DUS2: variants seen among roughly 807,000 people sequenced by gnomAD.
DUS2 encodes tRNA-dihydrouridine(20) synthase [NAD(P)+]-like.
DUS2 carries 52 observed loss-of-function variants against 71.3 expected under a neutral mutation model. That is an observed-to-expected ratio of 0.73 (90% CI 0.58 to 0.92). The LOEUF is 0.92. Among genes scored for constraint, DUS2 ranks in the 40% least tolerant of loss-of-function variants. The pLI is 0.00. For missense variants in DUS2, 558 were observed against 622.6 expected (o/e 0.90, Z 1.10); for synonymous variants, 204 against 227.8 (o/e 0.90, Z 0.94).
chr16:68,061,081 G>T lies in DUS2; in HGVS notation c.385G>T (p.Ala129Ser). 1 of 1,614,068 alleles carries T rather than the reference G, an allele frequency of 6.2e-7. No homozygotes were observed. Among genetic ancestry groups the T allele is most frequent in the African/African-American group, 1.3e-5 (1 of 75,026 alleles). ...TTCTCCTTAGGGAGGAATGGGAGCTGCCCTGCTGTCAGACCCTGACAAGAT... is the reference window on the plus strand; with the variant it reads ...TTCTCCTTAGGGAGGAATGGGAGCTTCCCTGCTGTCAGACCCTGACAAGAT... Reference protein sequence around the residue: ...QYSTKGGMGAALLSDPDKIEK... With the variant: ...QYSTKGGMGASLLSDPDKIEK... Residue 129 changes from alanine to serine, a missense_variant, in exon 8 of 17, where the codon GCC becomes TCC. By Grantham distance (99) the Ala-to-Ser change is moderately conservative (BLOSUM62 1). Coordinates refer to ENST00000565263, the MANE Select transcript of DUS2 (RefSeq NM_017803.5).
At chr16:68,075,216 C>T (rs1377105265) in intron 13 of DUS2, 139 bp from the exon 14 acceptor site, 7 of 749,820 alleles carry the variant, frequency 9.3e-6, no homozygotes, top group African/African-American at 1.8e-5. Flanking sequence ...GCAGGGGGCA[C>T]ATTCTGATGG....
At chr16:68,070,246 CTCTG>C in intron 11 of DUS2, 26 bp downstream of exon 11, 4 of 1,605,092 alleles carry the variant, frequency 2.5e-6, no homozygotes, top group Non-Finnish European at 3.4e-6. Flanking sequence ...TCATCATGTA[CTCTG>C]TGTCCCACAG....
intron 2 of DUS2, among the ~76,000 whole-genome samples, chr16:68,032,908 C>A (rs1185128812): frequency 9.3e-4 from 54 of 57,922 alleles, no homozygotes; most frequent in South Asian, 3.0e-3. Flanking sequence ...GACTCCATCT[C>A]AAAAAAAAAA....
chr16:68,059,237 T>C (rs934951537), intron 7 of DUS2, among the ~76,000 whole-genome samples: 3 of 151,734 alleles, frequency 2.0e-5, no homozygotes, highest in Admixed American at 2.0e-4. Context: ...AAAAAAAGTA[T>C]AGATTGAAAC....
At chr16:68,075,264 A>G in intron 13 of DUS2, 91 bp from the exon 14 acceptor site, 1 of 1,240,260 alleles carries the variant, frequency 8.1e-7, no homozygotes, top group Admixed American at 2.6e-5. Context: ...GTGGTAGAGG[A>G]GTTTCTCAGT....
At chr16:68,047,251 T>C (rs1230167090) in intron 3 of DUS2, among the ~76,000 whole-genome samples, 1 of 150,632 alleles carries the variant, frequency 6.6e-6, no homozygotes, top group African/African-American at 2.5e-5. Flanking sequence ...AGATGGAGTT[T>C]CACCATGTTG....
At chr16:68,058,201 G>A (rs1476973160) in intron 7 of DUS2, among the ~76,000 whole-genome samples, 1 of 151,504 alleles carries the variant, frequency 6.6e-6, no homozygotes, top group Non-Finnish European at 1.5e-5. Flanking sequence ...AAGATCAGCT[G>A]GACTTGGACT....
rs2033824334 is a variant in DUS2 at position 68,054,561 on chromosome 16, C to T, written c.265-13C>T. 6.2e-7 allele frequency: 1 copy of T among 1,613,984 alleles called. No homozygotes were observed. Among genetic ancestry groups the T allele is most frequent in the South Asian group, 1.1e-5 (1 of 91,092 alleles). On this transcript the variant is annotated splice_polypyrimidine_tract_variant and intron_variant, in intron 5 of 16. Transcript: ENST00000565263. ...GTCAGGGCAGTGGTTGATGCAGCCTCTTGTGTTCCCAGGGGACTTCAGACG... is the reference window on the plus strand; with the variant it reads ...GTCAGGGCAGTGGTTGATGCAGCCTTTTGTGTTCCCAGGGGACTTCAGACG...
At position 68,079,202 on chromosome 16, in the gene DUS2, C is replaced by G. The variant is rs1054125493; in HGVS notation, c.*216C>G. Reference sequence around the variant, plus strand: ...GATCTGAGTGACAGGGTCAAGTTCTCTTTGAAAACAGGAGCTTTTCAGGTG... The same window carrying G: ...GATCTGAGTGACAGGGTCAAGTTCTGTTTGAAAACAGGAGCTTTTCAGGTG... On this transcript the variant is annotated 3_prime_UTR_variant, in exon 17 of 17. Transcript: ENST00000565263. 6.8e-6 allele frequency: 3 copies of G among 440,004 alleles called. No homozygotes were observed. The highest frequency in any genetic ancestry group is 6.0e-5 in the African/African-American group (3 of 49,984). The allele number at this position is 440,004 out of a possible 1,614,324, so 27.3% of individuals were successfully genotyped here.
chr16:68,070,708 T>A (rs911909583), intron 11 of DUS2, among the ~76,000 whole-genome samples: 2 of 152,220 alleles, frequency 1.3e-5, no homozygotes, highest in African/African-American at 2.4e-5. Flanking sequence ...AAAGTAAATT[T>A]CCTGGATTAC....
chr16:68,030,570 G>C (rs980279508), intron 2 of DUS2, among the ~76,000 whole-genome samples: 1 of 152,080 alleles, frequency 6.6e-6, no homozygotes, highest in Admixed American at 6.6e-5. Flanking sequence ...TAGCCTGGGT[G>C]ACAGAGTGAG....
chr16:68,035,722 GT>G (rs1289168836), intron 2 of DUS2, among the ~76,000 whole-genome samples: 29 of 137,162 alleles, frequency 2.1e-4, no homozygotes, highest in Admixed American at 4.4e-4. Context: ...TTTTTTTTTG[GT>G]TTTTTTTTTT....
intron 7 of DUS2, among the ~76,000 whole-genome samples, chr16:68,060,818 A>C: frequency 6.6e-6 from 1 of 152,074 alleles, no homozygotes. Flanking sequence ...ACTGCACTCC[A>C]GCCTGGGTGA....
intron 2 of DUS2, among the ~76,000 whole-genome samples, chr16:68,033,785 C>T (rs2033476792): frequency 6.6e-6 from 1 of 151,878 alleles, no homozygotes; most frequent in South Asian, 2.1e-4. Context: ...GCGCATGCCA[C>T]CACGTCTGGC....
At chr16:68,042,314 G>A (rs1330116980) in intron 3 of DUS2, among the ~76,000 whole-genome samples, 1 of 152,124 alleles carries the variant, frequency 6.6e-6, no homozygotes, top group Non-Finnish European at 1.5e-5. Context: ...GAATAATGCT[G>A]CTGTGAACAT....
In DUS2 at chr16:68,070,033, G is replaced by T. The variant is rs571986555; in HGVS notation, c.555-101G>T. On this transcript the variant is annotated intron_variant, in intron 10 of 16. Transcript: ENST00000565263. ...CATATGGCCACCTGACCTTCCTGAGGTTCAGTGGGGAGGACAGTAAGGTTT... is the reference window on the plus strand; with the variant it reads ...CATATGGCCACCTGACCTTCCTGAGTTTCAGTGGGGAGGACAGTAAGGTTT... The T allele has an allele frequency of 4.6e-5, 49 of 1,060,568 alleles. No homozygotes were observed. The African/African-American group carries it at 7.6e-4, about 17-fold the overall frequency. 65.7% of individuals were successfully genotyped at this position (1,060,568 alleles called of 1,614,324 possible). A position where few individuals can be genotyped will look rare whatever the true frequency, so the allele number is the denominator to read the frequency against.
intron 3 of DUS2, among the ~76,000 whole-genome samples, chr16:68,041,184 C>A (rs2151415374): frequency 6.6e-6 from 1 of 152,174 alleles, no homozygotes; most frequent in South Asian, 2.1e-4. Flanking sequence ...TGAGATTGTG[C>A]CACTGCACTC....
chr16:68,073,984 C>A (rs1416747165), intron 12 of DUS2, 50 bp from the exon 13 acceptor site: 1 of 1,610,832 alleles, frequency 6.2e-7, no homozygotes, highest in Non-Finnish European at 8.5e-7. Context: ...AGAGCATAGC[C>A]CAGGCCTTAG....
intron 14 of DUS2, 114 bp from the exon 15 acceptor site, chr16:68,076,518 G>C (rs1388292142): frequency 6.8e-6 from 5 of 731,694 alleles, no homozygotes; most frequent in African/African-American, 1.8e-5. Context: ...GCAGCAGCTC[G>C]GTGTCTCAGT....
Sources: allele counts gnomAD v4.1 joint callset (sites outside exome capture counted in the v4.1 genomes callset), GRCh38; gene constraint gnomAD v4.1.1; transcripts MANE v1.5; gene names NCBI Gene and HGNC (gene_info 2026-07-23, HGNC 2026-07-21).